CPNE9: variants seen among roughly 807,000 people sequenced by gnomAD.
CPNE9 encodes the protein copine-9.
CPNE9 carries 59 observed loss-of-function variants against 83.0 expected under a neutral mutation model. That is an observed-to-expected ratio of 0.71 (90% CI 0.58 to 0.88). CPNE9 has a LOEUF of 0.88. Among genes scored for constraint, CPNE9 ranks in the 40% least tolerant of loss-of-function variants. The pLI, the probability that CPNE9 is intolerant of heterozygous loss-of-function variation, is 0.00. For missense variants in CPNE9, 619 were observed against 720.8 expected (o/e 0.86, Z 1.62); for synonymous variants, 256 against 273.4 (o/e 0.94, Z 0.63).
At chr3:9,718,696 G>A in intron 17 of CPNE9, 94 bp downstream of exon 17, 1 of 1,487,254 alleles carries the variant, frequency 6.7e-7, no homozygotes. Flanking sequence ...AGTAATTTAG[G>A]ATGATTTGAA....
chr3:9,704,902 C>G lies in CPNE9; in HGVS notation c.168C>G (p.Thr56=), dbSNP rs1272915216. 1.2e-6 allele frequency: 2 copies of G among 1,613,232 alleles called. No individual in the cohort carries two copies. Among genetic ancestry groups the G allele is most frequent in the Non-Finnish European group, 8.5e-7 (1 of 1,179,762 alleles). The change falls in exon 4 of 21, where the codon ACC becomes ACG. Residue 56 remains threonine, a synonymous_variant. Coordinates refer to ENST00000383832, the MANE Select transcript of CPNE9 (RefSeq NM_153635.3). The surrounding 1 kb of genome is among the most constrained non-coding windows in gnomAD (Gnocchi z 7.1). ...ASQEWREFGR[T]EVIDNTLNPD... ...ACCCCCCTACCCAGTTCGGACGGACCGAGGTGATTGATAACACGCTGAACC... is the reference window on the plus strand; with the variant it reads ...ACCCCCCTACCCAGTTCGGACGGACGGAGGTGATTGATAACACGCTGAACC...
Position 9,715,983 on chromosome 3 carries a change from C to A in CPNE9, c.832C>A (p.Leu278Ile). 1 of 1,611,800 alleles carries A rather than the reference C, an allele frequency of 6.2e-7. No individual in the cohort carries two copies. Among genetic ancestry groups the A allele is most frequent in the Non-Finnish European group, 8.5e-7 (1 of 1,179,016 alleles). ...CTATTCTGTCCCACAGGTGACGCTGCTCTCCTTCTCTGTGGACTCTGAATT... is the reference window on the plus strand; with the variant it reads ...CTATTCTGTCCCACAGGTGACGCTGATCTCCTTCTCTGTGGACTCTGAATT... ...KYVNSGTVTL[L>I]SFSVDSEFTF... The change falls in exon 14 of 21, where the codon CTC becomes ATC. Residue 278 changes from leucine to isoleucine, a missense_variant. Physicochemically the swap from Leu to Ile is conservative, Grantham distance 5. Around this residue, in one of 3 missense-constraint regions of CPNE9, gnomAD observed 438 missense variants for 562.9 expected, o/e 0.78. Transcript: ENST00000383832.
At chr3:9,717,860 G>A (rs2076698371) in intron 15 of CPNE9, among the ~76,000 whole-genome samples, 169 bp from the exon 16 acceptor site, 1 of 152,142 alleles carries the variant, frequency 6.6e-6, no homozygotes, top group Non-Finnish European at 1.5e-5. Flanking sequence ...GGATGGGTGG[G>A]TGGATAGATG....
Position 9,727,175 on chromosome 3 carries a change from G to T in CPNE9, c.1465G>T (p.Asp489Tyr). The change falls in exon 20 of 21, where the codon GAC becomes TAC. Residue 489 changes from aspartate (D) to tyrosine (Y), a missense_variant. Around this residue, in one of 3 missense-constraint regions of CPNE9, gnomAD observed 438 missense variants for 562.9 expected, o/e 0.78. Coordinates refer to ENST00000383832, the MANE Select transcript of CPNE9 (RefSeq NM_153635.3). ...CTCTAGGGGACGCTACGCAGAGCGGGACATCGTTCAGGTAGACCTGACGTG... is the reference window on the plus strand; with the variant it reads ...CTCTAGGGGACGCTACGCAGAGCGGTACATCGTTCAGGTAGACCTGACGTG... Reference protein sequence around the residue: ...VSSRGRYAERDIVQFVPFRDY... With the variant: ...VSSRGRYAERYIVQFVPFRDY... 1 of 1,614,222 alleles carries T rather than the reference G, an allele frequency of 6.2e-7. No individual in the cohort carries two copies. The highest frequency in any genetic ancestry group is 8.5e-7 in the Non-Finnish European group (1 of 1,180,034).
chr3:9,722,797 G>T (rs148466586), intron 17 of CPNE9, among the ~76,000 whole-genome samples: 1 of 152,076 alleles, frequency 6.6e-6, no homozygotes, highest in Non-Finnish European at 1.5e-5. Context: ...TCTTAGATGT[G>T]AGCCACCAGG....
At chr3:9,721,689 G>T (rs1405164558) in intron 17 of CPNE9, among the ~76,000 whole-genome samples, 2 of 152,248 alleles carry the variant, frequency 1.3e-5, no homozygotes, top group Admixed American at 1.3e-4. Flanking sequence ...GCATGAAGGG[G>T]CAAGTTCATG....
At chr3:9,709,320 G>A (rs2076599463) in intron 7 of CPNE9, among the ~76,000 whole-genome samples, 1 of 147,952 alleles carries the variant, frequency 6.8e-6, no homozygotes. Context: ...AAAAGAAAAA[G>A]AGATGTGGCT....
Position 9,729,652 on chromosome 3 carries a change from C to G in CPNE9, c.1622C>G (p.Pro541Arg). 6.2e-7 allele frequency: 1 copy of G among 1,614,108 alleles called. No individual in the cohort carries two copies. The highest frequency in any genetic ancestry group is 8.5e-7 in the Non-Finnish European group (1 of 1,179,966). ...TRDIQPRPPPPANPSPIPAPE... is the reference protein window; with the variant it reads ...TRDIQPRPPPRANPSPIPAPE... ...GACATCCAGCCTCGGCCCCCACCCCCTGCCAACCCCAGCCCGATCCCAGCT... is the reference window on the plus strand; with the variant it reads ...GACATCCAGCCTCGGCCCCCACCCCGTGCCAACCCCAGCCCGATCCCAGCT... Residue 541 changes from proline to arginine, a missense_variant, in exon 21 of 21, where the codon CCT becomes CGT. Coordinates refer to ENST00000383832, the MANE Select transcript of CPNE9 (RefSeq NM_153635.3).
chr3:9,727,403 C>G (rs1277937402), intron 20 of CPNE9: 1 of 717,656 alleles, frequency 1.4e-6, no homozygotes, highest in African/African-American at 1.8e-5. Flanking sequence ...CCCCAAGGCC[C>G]CTGCCCTCTA....
At chr3:9,717,663 C>A (rs189608894) in intron 15 of CPNE9, among the ~76,000 whole-genome samples, 1 of 147,636 alleles carries the variant, frequency 6.8e-6, no homozygotes, top group Non-Finnish European at 1.5e-5. Context: ...GGCAAGTAGA[C>A]AAGTGGGTGG....
rs1025036515 is a variant in CPNE9, at chr3:9,704,682, G to A, written c.109+55G>A. ...CTTGGGGTCTGGGCGCGACTCAGGG[G>A]CGGGTGGAGTCGGGGCCAGGGGTGG... On this transcript the variant is annotated intron_variant, in intron 2 of 20. Transcript: ENST00000383832. The surrounding 1 kb of genome is among the most constrained non-coding windows in gnomAD (Gnocchi z 7.1). The A allele has an allele frequency of 1.5e-5, 24 of 1,609,940 alleles. No homozygotes were observed. Among genetic ancestry groups the A allele is most frequent in the African/African-American group, 6.7e-5 (5 of 74,852 alleles).
Position 9,727,094 on chromosome 3 carries a change from G to A in CPNE9, c.1403-19G>A. 1 of 1,614,044 alleles carries A rather than the reference G, an allele frequency of 6.2e-7. No individual in the cohort carries two copies. The highest frequency in any genetic ancestry group is 8.5e-7 in the Non-Finnish European group (1 of 1,179,950). ...GGGCTGGAGAGGCCAATCAGCTGAGGGGTGTGTCTTTTCTGCAGCAATGGA... is the reference window on the plus strand; with the variant it reads ...GGGCTGGAGAGGCCAATCAGCTGAGAGGTGTGTCTTTTCTGCAGCAATGGA... On this transcript the variant is annotated intron_variant, in intron 19 of 20. Coordinates refer to ENST00000383832, the MANE Select transcript of CPNE9 (RefSeq NM_153635.3).
At chr3:9,707,919 A>G (rs1197358209) in intron 7 of CPNE9, among the ~76,000 whole-genome samples, 1 of 152,118 alleles carries the variant, frequency 6.6e-6, no homozygotes, top group Non-Finnish European at 1.5e-5. Flanking sequence ...TGGAGGTATC[A>G]AATGAGTCTT....
rs773589614 is a variant in CPNE9, at chr3:9,725,979, G to A, written c.1272G>A (p.Gln424=). ...RAAAKISDGS[Q]YYVLLIITDG... Reference sequence around the variant, plus strand: ...CAGCCAAGATCTCTGATGGCTCCCAGTACTATGTTCTGCTCATCATCACTG... The same window carrying A: ...CAGCCAAGATCTCTGATGGCTCCCAATACTATGTTCTGCTCATCATCACTG... The change falls in exon 18 of 21, where the codon CAG becomes CAA. Residue 424 remains glutamine (Q), a synonymous_variant. Coordinates refer to ENST00000383832, the MANE Select transcript of CPNE9 (RefSeq NM_153635.3). The A allele has an allele frequency of 6.2e-7, 1 of 1,613,614 alleles. No individual in the cohort carries two copies.
intron 7 of CPNE9, among the ~76,000 whole-genome samples, chr3:9,710,724 A>G (rs2076618520): frequency 6.6e-6 from 1 of 152,192 alleles, no homozygotes. Context: ...CCAAGTAAAT[A>G]TATCGAAAGT....
Position 9,705,991 on chromosome 3 carries a change from TCCTGGGACAAGCGTTCCTGGC to T in CPNE9, c.313_333del (p.Gln105_Gly111del). 6.2e-7 allele frequency: 1 copy of T among 1,613,460 alleles called. No homozygotes were observed. The highest frequency in any genetic ancestry group is 1.1e-5 in the South Asian group (1 of 91,082). On this transcript the variant is annotated inframe_deletion, in exon 7 of 21. Transcript: ENST00000383832. ...CTGACTCCTTGTCCTGCATAGGATT[TCCTGGGACAAGCGTTCCTGGC>T]CCTGGGAGAGGTGATTGGAGGCCAG...
chr3:9,727,262 T>C, intron 20 of CPNE9, 76 bp downstream of exon 20: 1 of 1,451,248 alleles, frequency 6.9e-7, no homozygotes, highest in South Asian at 1.1e-5. Flanking sequence ...CACTTTCACT[T>C]ACTGCCTTCT....
intron 18 of CPNE9, among the ~76,000 whole-genome samples, chr3:9,726,395 G>C (rs570109155): frequency 6.6e-6 from 1 of 152,242 alleles, no homozygotes; most frequent in African/African-American, 2.4e-5. Context: ...CTTGCCTTTT[G>C]TTCCAAAGGT....
At chr3:9,705,344 A>T (rs925730619) in intron 4 of CPNE9, 120 bp from the exon 5 acceptor site, 13 of 757,418 alleles carry the variant, frequency 1.7e-5, no homozygotes, top group Non-Finnish European at 2.5e-5. Flanking sequence ...CCAAAGCTGA[A>T]TTCGGGTCCA....
Sources: gnomAD v4.1 joint callset for allele counts (sites outside exome capture counted in the v4.1 genomes callset) on GRCh38, gnomAD v4.1.1 for gene constraint, gnomAD v4.1.1 regional missense constraint, Gnocchi (gnomAD v3.1) non-coding constraint, MANE v1.5 for transcripts, NCBI Gene and HGNC (gene_info 2026-07-23, HGNC 2026-07-21) for gene names.